The following PTPRD variants were observed in gnomAD, a reference collection of about 807,000 sequenced individuals.
PTPRD encodes protein tyrosine phosphatase receptor type D, also known as receptor-type tyrosine-protein phosphatase delta.
Under a neutral mutation model 214.5 loss-of-function variants are expected in PTPRD, and 34 were observed. The ratio of observed to expected loss-of-function variants is 0.16; its 90% CI spans 0.12 to 0.21. The LOEUF (loss-of-function observed/expected upper bound fraction) is 0.21. Among genes scored for constraint, PTPRD ranks in the 10% least tolerant of loss-of-function variants. The pLI, the probability that PTPRD is intolerant of heterozygous loss-of-function variation, is 1.00. For synonymous variants in PTPRD, 1,128 were observed against 845.7 expected, an observed-to-expected ratio of 1.33 and a Z score of -5.79; for missense variants, 2,545 against 2,398.7, an observed-to-expected ratio of 1.06 and a Z score of -1.27.
intron 3 of PTPRD, among the ~76,000 whole-genome samples, chr9:10,080,849 T>C (rs1301012954): frequency 6.6e-6 from 1 of 152,112 alleles, no homozygotes; most frequent in East Asian, 1.9e-4. Context: ...TACTGAGACA[T>C]ACAGTTATTG....
chr9:10,025,424 T>C lies in PTPRD; in HGVS notation c.-472+8294A>G, dbSNP rs117730331. ...TAGAAATTTTATGATTCTTAAGCAATTTTGCCTGAGAATGATAATTATAAA... is the reference window on the plus strand; with the variant it reads ...TAGAAATTTTATGATTCTTAAGCAACTTTGCCTGAGAATGATAATTATAAA... On this transcript the variant is annotated intron_variant, in intron 4 of 45. Coordinates refer to ENST00000381196, the MANE Select transcript of PTPRD (RefSeq NM_002839.4). 3.9e-3 allele frequency among the ~76,000 whole-genome samples: 596 copies of C among 152,282 alleles called. 1 individual carries two copies. The highest frequency in any genetic ancestry group is 6.7e-3 in the Non-Finnish European group (453 of 68,022).
intron 11 of PTPRD, among the ~76,000 whole-genome samples, chr9:8,763,619 G>A (rs555727770): frequency 3.8e-4 from 57 of 149,904 alleles, no homozygotes; most frequent in African/African-American, 1.4e-3. Context: ...TGTCATTTTT[G>A]TTTTGAAAAA....
At chr9:10,343,749 T>C (rs1745318206) in intron 2 of PTPRD, among the ~76,000 whole-genome samples, 1 of 152,118 alleles carries the variant, frequency 6.6e-6, no homozygotes, top group African/African-American at 2.4e-5. Context: ...ATTATTTTCA[T>C]GTGTCTGTTG....
At chr9:9,581,738 T>C (rs679640) in intron 7 of PTPRD, among the ~76,000 whole-genome samples, 48,213 of 151,932 alleles carry the variant, frequency 0.32, 8,005 homozygotes, top group African/African-American at 0.38. Context: ...AGATCTTAAA[T>C]CTTGGGAAAG....
At chr9:10,418,917 A>AGAGCT (rs2098520084) in intron 2 of PTPRD, among the ~76,000 whole-genome samples, 1 of 151,886 alleles carries the variant, frequency 6.6e-6, no homozygotes, top group Non-Finnish European at 1.5e-5. Context: ...AAGAGGGCCT[A>AGAGCT]GAGCTGGATC....
At chr9:10,421,236 C>T (rs2098542820) in intron 2 of PTPRD, among the ~76,000 whole-genome samples, 1 of 151,786 alleles carries the variant, frequency 6.6e-6, no homozygotes, top group Non-Finnish European at 1.5e-5. Flanking sequence ...GAGGAGTTCC[C>T]TAGCTAGGTG....
chr9:9,357,614 G>C (rs992151526), intron 9 of PTPRD, among the ~76,000 whole-genome samples: 3 of 151,112 alleles, frequency 2.0e-5, no homozygotes, highest in Admixed American at 6.6e-5. Flanking sequence ...GCAAGTGAAT[G>C]AGGGAAAGAA....
At chr9:10,420,656 C>A (rs745831091) in intron 2 of PTPRD, among the ~76,000 whole-genome samples, 7 of 151,878 alleles carry the variant, frequency 4.6e-5, no homozygotes, top group African/African-American at 7.2e-5. Flanking sequence ...GAATTCTCAA[C>A]TGAACTCCTA....
At chr9:9,080,484 T>C (rs933531424) in intron 10 of PTPRD, among the ~76,000 whole-genome samples, 10 of 152,240 alleles carry the variant, frequency 6.6e-5, no homozygotes, top group African/African-American at 9.6e-5. Context: ...TTAGAAATGA[T>C]ATCCTATCAT....
At chr9:9,641,027 C>T (rs559533765) in intron 7 of PTPRD, among the ~76,000 whole-genome samples, 2 of 152,210 alleles carry the variant, frequency 1.3e-5, no homozygotes, top group South Asian at 4.1e-4. Context: ...GCTGGATCAG[C>T]AGAAATTACT....
At chr9:9,752,359 C>T (rs541016736) in intron 6 of PTPRD, among the ~76,000 whole-genome samples, 32 of 152,026 alleles carry the variant, frequency 2.1e-4, no homozygotes, top group African/African-American at 7.0e-4. Context: ...CATTAAAGTA[C>T]GTAAGAGATA....
At chr9:10,035,105 G>A (rs1415627626) in intron 3 of PTPRD, among the ~76,000 whole-genome samples, 1 of 151,980 alleles carries the variant, frequency 6.6e-6, no homozygotes, top group Non-Finnish European at 1.5e-5. Context: ...CCACAACCTT[G>A]CCAGCATGTA....
At chr9:10,247,055 A>T (rs983784972) in intron 3 of PTPRD, among the ~76,000 whole-genome samples, 2 of 152,164 alleles carry the variant, frequency 1.3e-5, no homozygotes, top group Non-Finnish European at 2.9e-5. Context: ...GGTCAAAGAG[A>T]AAAAATCTTC....
At chr9:8,451,395 C>G (rs1214483212) in intron 33 of PTPRD, among the ~76,000 whole-genome samples, 1 of 151,984 alleles carries the variant, frequency 6.6e-6, no homozygotes, top group African/African-American at 2.4e-5. Context: ...TGCCAAGGTA[C>G]TGGCAGCTCC....
At chr9:9,850,148 C>G (rs774103627) in intron 5 of PTPRD, among the ~76,000 whole-genome samples, 69 of 152,250 alleles carry the variant, frequency 4.5e-4, no homozygotes, top group South Asian at 1.9e-3. Context: ...AAAGTTACCA[C>G]TGAAAGGTAT....
chr9:9,284,603 T>C (rs977514239), intron 9 of PTPRD, among the ~76,000 whole-genome samples: 3 of 151,770 alleles, frequency 2.0e-5, no homozygotes, highest in Non-Finnish European at 2.9e-5. Flanking sequence ...TGAAGATTAA[T>C]GTCTTGTGTG....
chr9:10,545,408 G>C (rs556413127), intron 2 of PTPRD, among the ~76,000 whole-genome samples: 2 of 152,066 alleles, frequency 1.3e-5, no homozygotes, highest in East Asian at 3.9e-4. Context: ...CTTTTGAAAA[G>C]GGCTATTTAC....
chr9:10,466,579 T>C (rs2131520287), intron 2 of PTPRD, among the ~76,000 whole-genome samples: 1 of 125,636 alleles, frequency 8.0e-6, no homozygotes, highest in East Asian at 2.4e-4. Context: ...GCCAAGATTG[T>C]GCCATTGCAC....
intron 3 of PTPRD, among the ~76,000 whole-genome samples, chr9:10,300,360 CAGG>C (rs2095823453): frequency 6.6e-6 from 1 of 152,064 alleles, no homozygotes; most frequent in South Asian, 2.1e-4. Flanking sequence ...GAGCTAGCTG[CAGG>C]AGTTTAGTTT....
Sources: gnomAD v4.1 joint callset for allele counts (sites outside exome capture counted in the v4.1 genomes callset) on GRCh38, gnomAD v4.1.1 for gene constraint, MANE v1.5 for transcripts, NCBI Gene and HGNC (gene_info 2026-07-23, HGNC 2026-07-21) for gene names.